Variants in SULT1C2 observed in about 807,000 individuals in gnomAD.
SULT1C2 encodes the protein sulfotransferase family 1C member 2.
In SULT1C2, 27 loss-of-function variants were observed where a neutral mutation model predicts 36.0. The ratio of observed to expected loss-of-function variants is 0.75; its 90% CI spans 0.55 to 1.03. The LOEUF (loss-of-function observed/expected upper bound fraction) is 1.03, where lower values mean the gene tolerates loss of function less well. SULT1C2 is among the 50% of genes least tolerant of loss of function. The probability of loss-of-function intolerance (pLI) is 0.00; values close to 1 mark genes in which losing one functional copy is unlikely to be tolerated. For missense variants in SULT1C2, 395 were observed against 359.2 expected (o/e 1.10, Z -0.80); for synonymous variants, 121 against 116.0 (o/e 1.04, Z -0.27).
At chr2:108,298,012 C>T (rs113808917) in intron 3 of SULT1C2, among the ~76,000 whole-genome samples, 3,474 of 152,258 alleles carry the variant, frequency 0.023, 46 homozygotes, top group Middle Eastern at 0.034. Context: ...GCCCACAGGG[C>T]ATTAAATCAG....
chr2:108,302,067 AT>A (rs1286631383), intron 4 of SULT1C2: 1 of 152,256 alleles, frequency 6.6e-6, no homozygotes, highest in Non-Finnish European at 1.5e-5. Flanking sequence ...GCATAAAAAA[AT>A]CACAAGTTTC....
chr2:108,305,339 A>G (rs11890318), intron 6 of SULT1C2, 73 bp downstream of exon 6: 71,405 of 1,609,990 alleles, frequency 0.044, 1,751 homozygotes, highest in Middle Eastern at 0.065. Context: ...AGTTGTTTCA[A>G]AGGACATCCC....
chr2:108,293,410 T>A (rs952898324), intron 1 of SULT1C2, among the ~76,000 whole-genome samples: 1 of 151,888 alleles, frequency 6.6e-6, no homozygotes, highest in African/African-American at 2.4e-5. Context: ...GAGAATAAAA[T>A]GGTGGTTGCC....
intron 3 of SULT1C2, chr2:108,298,769 T>G (rs1676801829): frequency 4.4e-6 from 1 of 225,244 alleles, no homozygotes; most frequent in African/African-American, 2.4e-5. Context: ...CTTCCACCTG[T>G]TTTTTTTCTA....
chr2:108,305,688 C>A (rs1237103049), intron 7 of SULT1C2, 93 bp downstream of exon 7: 4 of 1,448,892 alleles, frequency 2.8e-6, no homozygotes, highest in Non-Finnish European at 3.8e-6. Flanking sequence ...AATTCCAAGC[C>A]AATGCATTTC....
At position 108,300,752 on chromosome 2, in the gene SULT1C2, T is replaced by C. The variant is rs778656138; in HGVS notation, c.278-86T>C. On this transcript the variant is annotated intron_variant, in intron 3 of 7. Coordinates refer to ENST00000251481, the MANE Select transcript of SULT1C2 (RefSeq NM_001056.4). The stretch of plus-strand genomic sequence containing the variant: ...GACTAGCAGAAAGACAGGTGGGTGA[T>C]GGGATGTCCTGGACAGAGCCTGGAT... The C allele has an allele frequency of 1.8e-5, 28 of 1,532,016 alleles. No homozygotes were observed. In the South Asian group the frequency reaches 3.1e-4, roughly 17 times the overall value. 94.9% of individuals were successfully genotyped at this position (1,532,016 alleles called of 1,614,324 possible).
chr2:108,293,284 G>T (rs753672340), intron 1 of SULT1C2, among the ~76,000 whole-genome samples: 2 of 150,814 alleles, frequency 1.3e-5, no homozygotes, highest in Non-Finnish European at 2.9e-5. Context: ...AAGAGATTAA[G>T]CTTTGGATCA....
chr2:108,301,938 C>T (rs1283689594), intron 4 of SULT1C2: 2 of 152,184 alleles, frequency 1.3e-5, no homozygotes, highest in Non-Finnish European at 2.9e-5. Flanking sequence ...ACTCAAATGA[C>T]TTCACTCCTT....
intron 3 of SULT1C2, 123 bp downstream of exon 3, chr2:108,294,477 CTCTT>C (rs1676675412): frequency 4.1e-5 from 11 of 265,674 alleles, no homozygotes; most frequent in Non-Finnish European, 6.9e-5. Flanking sequence ...CCTTCCTCTT[CTCTT>C]TCTCTCTCAT....
chr2:108,308,650 C>A lies in SULT1C2; in HGVS notation c.*186C>A. 1 of 512,884 alleles carries A rather than the reference C, an allele frequency of 1.9e-6. No individual in the cohort carries two copies. Among genetic ancestry groups the A allele is most frequent in the Non-Finnish European group, 3.4e-6 (1 of 296,930 alleles). 31.8% of individuals were successfully genotyped at this position (512,884 alleles called of 1,614,324 possible). ...TTTAAAAAGGATCACGTCTAATGCC[C>A]ATTTTCCCAACTATTCTTTCCAAAG... On this transcript the variant is annotated 3_prime_UTR_variant, in exon 8 of 8. Transcript: ENST00000251481.
chr2:108,295,855 G>A (rs547838909), intron 3 of SULT1C2, among the ~76,000 whole-genome samples: 2 of 152,276 alleles, frequency 1.3e-5, no homozygotes, highest in Admixed American at 6.5e-5. Context: ...CTGCAGTGGT[G>A]CCATCATAGG....
chr2:108,296,459 G>GT (rs4149428), intron 3 of SULT1C2, among the ~76,000 whole-genome samples: 51,914 of 149,984 alleles, frequency 0.35, 11,269 homozygotes, highest in East Asian at 0.81. Flanking sequence ...CGTTTGTTTG[G>GT]TTTTTTTTTT....
intron 6 of SULT1C2, 47 bp downstream of exon 6, chr2:108,305,313 G>A (rs1676994828): frequency 6.2e-7 from 1 of 1,610,976 alleles, no homozygotes; most frequent in Non-Finnish European, 8.5e-7. Flanking sequence ...GGTTCTTCAG[G>A]TGCAGAGAAA....
chr2:108,305,212 G>C lies in SULT1C2; in HGVS notation c.543G>C (p.Trp181Cys). Residue 181 changes from tryptophan to cysteine, a missense_variant, in exon 6 of 8, where the codon TGG becomes TGC. Physicochemically the swap from Trp to Cys is radical, Grantham distance 215. Coordinates refer to ENST00000251481, the MANE Select transcript of SULT1C2 (RefSeq NM_001056.4). Reference protein sequence around the residue: ...GSWFDHVKGWWEMKDRHQILF... With the variant: ...GSWFDHVKGWCEMKDRHQILF... ...GGTTTGACCACGTGAAAGGATGGTG[G>C]GAGATGAAAGACAGACACCAGATTC... 2 of 1,614,166 alleles carry C rather than the reference G, an allele frequency of 1.2e-6. No individual in the cohort carries two copies. Among genetic ancestry groups the C allele is most frequent in the Non-Finnish European group, 1.7e-6 (2 of 1,180,018 alleles).
intron 7 of SULT1C2, among the ~76,000 whole-genome samples, chr2:108,305,860 A>G (rs1019786230): frequency 2.1e-4 from 32 of 152,344 alleles, no homozygotes; most frequent in African/African-American, 7.5e-4. Flanking sequence ...CATGGACAAT[A>G]AAGGAAATGC....
intron 3 of SULT1C2, among the ~76,000 whole-genome samples, chr2:108,295,780 A>G (rs1676710460): frequency 6.6e-6 from 1 of 152,134 alleles, no homozygotes; most frequent in Admixed American, 6.6e-5. Flanking sequence ...GTGTTCCCTG[A>G]TTATCTAAGA....
At chr2:108,308,094 G>T (rs182404957) in intron 7 of SULT1C2, among the ~76,000 whole-genome samples, 1 of 152,278 alleles carries the variant, frequency 6.6e-6, no homozygotes, top group East Asian at 1.9e-4. Context: ...TACACTACAG[G>T]TGGGGCCAGG....
chr2:108,309,192 G>C lies in SULT1C2; in HGVS notation c.*728G>C, dbSNP rs999889522. Reference sequence around the variant, plus strand: ...CATGGGCATGGCTCCCAGGCATGGAGGTAATTGGGTCTTGGCTTCAATGCC... The same window carrying C: ...CATGGGCATGGCTCCCAGGCATGGACGTAATTGGGTCTTGGCTTCAATGCC... On this transcript the variant is annotated 3_prime_UTR_variant, in exon 8 of 8. Coordinates refer to ENST00000251481, the MANE Select transcript of SULT1C2 (RefSeq NM_001056.4). 3.9e-5 allele frequency: 6 copies of C among 152,224 alleles called. No homozygotes were observed. Among genetic ancestry groups the C allele is most frequent in the African/African-American group, 1.4e-4 (6 of 41,456 alleles). The allele number at this position is 152,224 out of a possible 1,614,324, so 9.4% of individuals were successfully genotyped here.
At chr2:108,301,606 A>T (rs982362658) in intron 4 of SULT1C2, 1 of 152,368 alleles carries the variant, frequency 6.6e-6, no homozygotes, top group African/African-American at 2.4e-5. Flanking sequence ...CCCAAAGGGT[A>T]AACAGATGAA....
Sources: gnomAD v4.1 joint callset for allele counts (sites outside exome capture counted in the v4.1 genomes callset) on GRCh38, gnomAD v4.1.1 for gene constraint, MANE v1.5 for transcripts, NCBI Gene and HGNC (gene_info 2026-07-23, HGNC 2026-07-21) for gene names.